The following PRKG1 variants were observed in gnomAD, a reference collection of about 807,000 sequenced individuals.
The protein encoded by PRKG1 is protein kinase cGMP-dependent 1.
A neutral mutation model predicts 88.1 loss-of-function variants in PRKG1; 35 were observed. The observed-to-expected ratio is 0.40, with a 90% CI of 0.30 to 0.53. The LOEUF (loss-of-function observed/expected upper bound fraction) is 0.53. Ranked by LOEUF, PRKG1 falls within the 20% of genes least tolerant of loss-of-function variation. PRKG1 has a pLI of 0.59. For missense variants in PRKG1, 540 were observed against 839.8 expected, an observed-to-expected ratio of 0.64 and a Z score of 4.41; for synonymous variants, 303 against 292.5, an observed-to-expected ratio of 1.04 and a Z score of -0.37.
intron 2 of PRKG1, among the ~76,000 whole-genome samples, chr10:51,364,466 T>C (rs1007383848): frequency 6.6e-6 from 1 of 151,970 alleles, no homozygotes; most frequent in Non-Finnish European, 1.5e-5. Flanking sequence ...GTTTCCAACA[T>C]CCACTAAGAT....
chr10:51,562,010 A>T (rs1197983052), intron 3 of PRKG1, among the ~76,000 whole-genome samples: 1 of 151,922 alleles, frequency 6.6e-6, no homozygotes, highest in African/African-American at 2.4e-5. Context: ...ATCATCTGAG[A>T]TCAGGAGTTC....
At chr10:51,163,734 G>A (rs966677847) in intron 2 of PRKG1, among the ~76,000 whole-genome samples, 6 of 152,330 alleles carry the variant, frequency 3.9e-5, no homozygotes, top group African/African-American at 1.4e-4. Flanking sequence ...CGGCGCACCA[G>A]GAGATTATAT....
chr10:51,889,900 G>C (rs1005692304), intron 4 of PRKG1, among the ~76,000 whole-genome samples: 1 of 152,042 alleles, frequency 6.6e-6, no homozygotes, highest in African/African-American at 2.4e-5. Context: ...CTTTTTGATG[G>C]GGTTATTTGT....
chr10:51,731,932 C>T (rs566771224), intron 3 of PRKG1, among the ~76,000 whole-genome samples: 2 of 152,300 alleles, frequency 1.3e-5, no homozygotes, highest in South Asian at 4.1e-4. Context: ...TGTGTCCTTA[C>T]ATGGTCTTTC....
Position 51,989,028 on chromosome 10 carries a change from G to A in PRKG1, c.763-65456G>A, listed in dbSNP as rs368733693. On this transcript the variant is annotated intron_variant, in intron 5 of 17. Transcript: ENST00000373980. ...CTTTTAAAACTTTTCATATATACCTGAAATTATTCTCTGCCCTCTTGATCC... is the reference window on the plus strand; with the variant it reads ...CTTTTAAAACTTTTCATATATACCTAAAATTATTCTCTGCCCTCTTGATCC... Among the ~76,000 whole-genome samples the A allele has an allele frequency of 2.6e-5, 4 of 151,964 alleles. No homozygotes were observed. In the East Asian group the frequency reaches 7.7e-4, roughly 29 times the overall value.
intron 3 of PRKG1, among the ~76,000 whole-genome samples, chr10:51,743,737 A>AATATATAT (rs369411662): frequency 1.5e-3 from 62 of 40,340 alleles, no homozygotes; most frequent in East Asian, 3.8e-3. Flanking sequence ...ATATAAACTA[A>AATATATAT]ATATATATAT....
chr10:51,854,737 G>A (rs1406951196), intron 4 of PRKG1, among the ~76,000 whole-genome samples: 1 of 152,122 alleles, frequency 6.6e-6, no homozygotes, highest in Non-Finnish European at 1.5e-5. Context: ...AGCGTAATCT[G>A]GGGTGGTAGA....
intron 8 of PRKG1, among the ~76,000 whole-genome samples, chr10:52,142,737 G>A (rs965966165): frequency 2.6e-5 from 4 of 152,054 alleles, no homozygotes; most frequent in East Asian, 3.9e-4. Flanking sequence ...AAACATGTGG[G>A]CCCTTACTAG....
At chr10:52,276,413 G>T (rs1326554147) in intron 12 of PRKG1, among the ~76,000 whole-genome samples, 1 of 152,096 alleles carries the variant, frequency 6.6e-6, no homozygotes, top group African/African-American at 2.4e-5. Context: ...CAATGAAAAA[G>T]GTGAAATATT....
chr10:51,029,505 G>A (rs1843252596), intron 1 of PRKG1, among the ~76,000 whole-genome samples: 1 of 152,106 alleles, frequency 6.6e-6, no homozygotes, highest in African/African-American at 2.4e-5. Context: ...CGGAATGTCA[G>A]AAGTCATAAA....
At chr10:51,550,987 A>T (rs550079439) in intron 3 of PRKG1, among the ~76,000 whole-genome samples, 2 of 152,028 alleles carry the variant, frequency 1.3e-5, no homozygotes, top group South Asian at 4.2e-4. Flanking sequence ...AACCTTTATT[A>T]AGAAATACAT....
chr10:52,015,528 T>G (rs1192172726), intron 5 of PRKG1, among the ~76,000 whole-genome samples: 1 of 151,990 alleles, frequency 6.6e-6, no homozygotes, highest in East Asian at 1.9e-4. Flanking sequence ...CCTGGAGACA[T>G]TTTTTTCCAT....
chr10:51,336,866 A>G (rs971770617), intron 2 of PRKG1, among the ~76,000 whole-genome samples: 8 of 152,214 alleles, frequency 5.3e-5, no homozygotes, highest in African/African-American at 1.9e-4. Context: ...TGCTATTCCC[A>G]ATAAACTACC....
At chr10:51,196,828 T>G (rs1282364109) in intron 2 of PRKG1, among the ~76,000 whole-genome samples, 1 of 152,188 alleles carries the variant, frequency 6.6e-6, no homozygotes. Flanking sequence ...GCAGATGAAA[T>G]TGTGCAGAAG....
chr10:51,221,871 T>C (rs928059300), intron 2 of PRKG1, among the ~76,000 whole-genome samples: 4 of 132,002 alleles, frequency 3.0e-5, no homozygotes, highest in Non-Finnish European at 4.8e-5. Flanking sequence ...ATTTTTCTTT[T>C]CTTTCTTTTT....
intron 1 of PRKG1, among the ~76,000 whole-genome samples, chr10:51,151,063 T>G (rs1369052197): frequency 1.3e-5 from 2 of 151,246 alleles, no homozygotes; most frequent in South Asian, 4.2e-4. Flanking sequence ...GCTGAACAAG[T>G]TGTGGTTCTT....
At chr10:51,692,200 T>C (rs1841161226) in intron 3 of PRKG1, among the ~76,000 whole-genome samples, 1 of 151,704 alleles carries the variant, frequency 6.6e-6, no homozygotes, top group African/African-American at 2.4e-5. Flanking sequence ...TTAATAAATG[T>C]TAAGGCACCA....
chr10:51,899,751 A>G (rs1252732649), intron 4 of PRKG1, among the ~76,000 whole-genome samples: 1 of 150,640 alleles, frequency 6.6e-6, no homozygotes, highest in Non-Finnish European at 1.5e-5. Context: ...TCTCATATTG[A>G]TATGGTTTGG....
intron 2 of PRKG1, among the ~76,000 whole-genome samples, chr10:51,191,768 GT>G (rs929497388): frequency 6.6e-6 from 1 of 151,806 alleles, no homozygotes; most frequent in Non-Finnish European, 1.5e-5. Context: ...AGAACCCAGA[GT>G]AAGACTACAG....
Sources: allele counts gnomAD v4.1 joint callset (sites outside exome capture counted in the v4.1 genomes callset), GRCh38; gene constraint gnomAD v4.1.1; transcripts MANE v1.5; gene names NCBI Gene and HGNC (gene_info 2026-07-23, HGNC 2026-07-21).